Variants in MLLT10 observed in about 807,000 individuals in gnomAD.
The protein encoded by MLLT10 is protein AF-10.
In MLLT10, 30 loss-of-function variants were observed where a neutral mutation model predicts 129.1. The observed-to-expected ratio is 0.23, with a 90% CI of 0.17 to 0.32. The LOEUF is 0.32. Among genes scored for constraint, MLLT10 ranks in the 10% least tolerant of loss-of-function variants. MLLT10 has a pLI of 1.00. For missense variants in MLLT10, 1,119 were observed against 1,268.3 expected, an observed-to-expected ratio of 0.88 and a Z score of 1.79; for synonymous variants, 490 against 446.4, an observed-to-expected ratio of 1.10 and a Z score of -1.23.
chr10:21,619,029 TACACACACACACAC>T (rs66469025), intron 8 of MLLT10, among the ~76,000 whole-genome samples: 105 of 143,886 alleles, frequency 7.3e-4, no homozygotes, highest in Middle Eastern at 3.5e-3. Context: ...CCTGGTGACA[TACACACACACACAC>T]ACACACACAC....
chr10:21,551,754 CTTTT>C, intron 3 of MLLT10: 9 of 342,054 alleles, frequency 2.6e-5, no homozygotes, highest in Admixed American at 8.4e-5. Context: ...TGTGTTTAGA[CTTTT>C]TTTTTTTTTT....
At chr10:21,536,245 A>ACTT (rs1394987730) in intron 2 of MLLT10, among the ~76,000 whole-genome samples, 1 of 152,118 alleles carries the variant, frequency 6.6e-6, no homozygotes, top group Non-Finnish European at 1.5e-5. Flanking sequence ...CTGGCCCTAG[A>ACTT]CTTTTAAAGA....
At chr10:21,665,030 C>T (rs2050624248) in intron 9 of MLLT10, among the ~76,000 whole-genome samples, 1 of 148,766 alleles carries the variant, frequency 6.7e-6, no homozygotes, top group Non-Finnish European at 1.5e-5. Flanking sequence ...ACTGCAACCT[C>T]TGCCTCCTGG....
chr10:21,631,755 A>T (rs1013534198), intron 8 of MLLT10, among the ~76,000 whole-genome samples: 3 of 152,114 alleles, frequency 2.0e-5, no homozygotes, highest in Non-Finnish European at 4.4e-5. Flanking sequence ...GCAAGGGGGA[A>T]GTCTGCCCCC....
intron 11 of MLLT10, 100 bp downstream of exon 11, chr10:21,674,019 T>A: frequency 1.2e-6 from 1 of 867,986 alleles, no homozygotes; most frequent in Non-Finnish European, 1.6e-6. Flanking sequence ...TACTTGAAAT[T>A]AATAAATGAC....
intron 3 of MLLT10, among the ~76,000 whole-genome samples, chr10:21,556,405 TG>T (rs747788322): frequency 3.7e-4 from 57 of 152,208 alleles, no homozygotes; most frequent in Admixed American, 5.9e-4. Context: ...ATCACCTGTT[TG>T]GGGTTGACAA....
chr10:21,603,448 T>G (rs547169751), intron 5 of MLLT10, among the ~76,000 whole-genome samples: 14 of 152,222 alleles, frequency 9.2e-5, no homozygotes, highest in Non-Finnish European at 1.9e-4. Flanking sequence ...CTAATTTGTC[T>G]GCTTCTGCTT....
rs1243195 is a variant in MLLT10 at position 21,690,840 on chromosome 10, G to A, written c.1699+8583G>A. Among the ~76,000 whole-genome samples, 1,392 of 151,966 alleles carry A rather than the reference G, an allele frequency of 9.2e-3. 62 individuals carry two copies. Among genetic ancestry groups the A allele is most frequent in the Admixed American group, 0.082 (1,247 of 15,246 alleles). ...TTATCGTTTTCAAAACTCTTCTTTT[G>A]TGTTGATTCAGGTCCTTATCATCTC... On this transcript the variant is annotated intron_variant, in intron 13 of 22. Coordinates refer to ENST00000307729, the MANE Select transcript of MLLT10 (RefSeq NM_001195626.3).
chr10:21,654,411 G>A (rs1392735279), intron 9 of MLLT10, among the ~76,000 whole-genome samples: 1 of 152,196 alleles, frequency 6.6e-6, no homozygotes, highest in Non-Finnish European at 1.5e-5. Context: ...AATATGAGAA[G>A]GGATGGGATT....
rs200438110 is a variant in MLLT10 at position 21,619,268 on chromosome 10, A to G, written c.699+2061A>G. ...TTTATTTAAGCTTTTTAAGTCATCA[A>G]CTAAGGATTCTTAGGCAGGGCTCAT... On this transcript the variant is annotated intron_variant, in intron 8 of 22. Coordinates refer to ENST00000307729, the MANE Select transcript of MLLT10 (RefSeq NM_001195626.3). Among the ~76,000 whole-genome samples, 5 of 152,326 alleles carry G rather than the reference A, an allele frequency of 3.3e-5. No individual in the cohort carries two copies. The East Asian group carries it at 5.8e-4, about 18-fold the overall frequency.
intron 14 of MLLT10, among the ~76,000 whole-genome samples, chr10:21,719,118 A>G (rs1427925674): frequency 5.3e-5 from 8 of 152,190 alleles, no homozygotes; most frequent in Admixed American, 5.2e-4. Flanking sequence ...TTGTTTTCCA[A>G]TATGATTATG....
intron 13 of MLLT10, among the ~76,000 whole-genome samples, chr10:21,689,904 C>A (rs1174301112): frequency 6.6e-6 from 1 of 151,562 alleles, no homozygotes. Context: ...TATTGATGGC[C>A]TGAATGAGGA....
chr10:21,704,355 CTCTA>C (rs1225882817), intron 13 of MLLT10, among the ~76,000 whole-genome samples: 1,076 of 70,364 alleles, frequency 0.015, 5 homozygotes, highest in African/African-American at 0.035. Context: ...CTCTCTCTCT[CTCTA>C]TATATATATA....
chr10:21,712,000 C>G (rs1388421242), intron 13 of MLLT10, among the ~76,000 whole-genome samples: 1 of 152,088 alleles, frequency 6.6e-6, no homozygotes, highest in Non-Finnish European at 1.5e-5. Context: ...TAGAATAATG[C>G]CTGGCAAATA....
At chr10:21,549,269 A>G (rs2130939470) in intron 3 of MLLT10, among the ~76,000 whole-genome samples, 1 of 151,944 alleles carries the variant, frequency 6.6e-6, no homozygotes, top group East Asian at 1.9e-4. Context: ...GATTATAGGC[A>G]TGTGCCACCA....
chr10:21,612,511 A>G, intron 6 of MLLT10, 60 bp downstream of exon 6: 2 of 1,060,990 alleles, frequency 1.9e-6, no homozygotes, highest in South Asian at 3.1e-5. Context: ...TGTAACAATC[A>G]TAAGTTAAAG....
intron 14 of MLLT10, among the ~76,000 whole-genome samples, chr10:21,717,677 T>TTCCTCCTCCTCC (rs1218411767): frequency 4.6e-4 from 9 of 19,564 alleles, no homozygotes; most frequent in Admixed American, 4.6e-4. Flanking sequence ...CCTCCTCCTC[T>TTCCTCCTCCTCC]TCCTCCTCCT....
chr10:21,673,533 A>C lies in MLLT10; in HGVS notation c.1235A>C (p.Asn412Thr). 6.2e-7 allele frequency: 1 copy of C among 1,613,600 alleles called. No homozygotes were observed. Among genetic ancestry groups the C allele is most frequent in the Non-Finnish European group, 8.5e-7 (1 of 1,179,836 alleles). ...GESGSQEGGVNSFSTLIGLPS... is the reference protein window; with the variant it reads ...GESGSQEGGVTSFSTLIGLPS... ...TCTGGAAGCCAGGAAGGGGGGGTAA[A>C]TAGTTTTAGTACCTTAATTGGCCTC... Residue 412 changes from asparagine (N) to threonine (T), a missense_variant, in exon 11 of 23, where the codon AAT (asparagine) becomes ACT (threonine). Asn to Thr is a moderately conservative substitution (Grantham distance 65, BLOSUM62 0). Around this residue, in one of 5 missense-constraint regions of MLLT10, gnomAD observed 1,004 missense variants for 1,008.7 expected, o/e 1.00. Transcript: ENST00000307729.
At chr10:21,717,676 C>T (rs1469706967) in intron 14 of MLLT10, among the ~76,000 whole-genome samples, 9 of 112,218 alleles carry the variant, frequency 8.0e-5, no homozygotes, top group African/African-American at 2.2e-4. Flanking sequence ...TCCTCCTCCT[C>T]TTCCTCCTCC....
Sources: gnomAD v4.1 joint callset for allele counts (sites outside exome capture counted in the v4.1 genomes callset) on GRCh38, gnomAD v4.1.1 for gene constraint, gnomAD v4.1.1 regional missense constraint, MANE v1.5 for transcripts, NCBI Gene and HGNC (gene_info 2026-07-23, HGNC 2026-07-21) for gene names.